The following CCDC150 variants were observed in gnomAD, a reference collection of about 807,000 sequenced individuals.
CCDC150 encodes the protein coiled-coil domain-containing protein 150.
A neutral mutation model predicts 156.5 loss-of-function variants in CCDC150; 151 were observed. The ratio of observed to expected loss-of-function variants is 0.97; its 90% confidence interval spans 0.85 to 1.10. The LOEUF (loss-of-function observed/expected upper bound fraction) is 1.10, where lower values mean the gene tolerates loss of function less well. CCDC150 is among the 50% of genes least tolerant of loss of function. CCDC150 has a pLI of 0.00. For synonymous variants in CCDC150, 452 were observed against 429.4 expected, an observed-to-expected ratio of 1.05 and a Z score of -0.65; for missense variants, 1,312 against 1,268.1, an observed-to-expected ratio of 1.03 and a Z score of -0.53.
chr2:196,701,591 A>G (rs1171422290), intron 15 of CCDC150, among the ~76,000 whole-genome samples: 1 of 152,152 alleles, frequency 6.6e-6, no homozygotes, highest in East Asian at 1.9e-4. Flanking sequence ...TCCCTATGGT[A>G]CCCCAGAGCA....
Position 196,732,600 on chromosome 2 carries a change from C to A in CCDC150, c.*38C>A. On this transcript the variant is annotated 3_prime_UTR_variant, in exon 28 of 28. Coordinates refer to ENST00000389175, the MANE Select transcript of CCDC150 (RefSeq NM_001080539.2). ...GGGAGCTTCTTTATGTGTAGCTACA[C>A]TCCATGATTCCAAGAGCCCAGCAGC... is the stretch of plus-strand genomic sequence containing the variant. 7.4e-7 allele frequency: 1 copy of A among 1,353,162 alleles called. No individual in the cohort carries two copies. Among genetic ancestry groups the A allele is most frequent in the Non-Finnish European group, 1.1e-6 (1 of 943,896 alleles). The allele number at this position is 1,353,162 out of a possible 1,614,324, so 83.8% of individuals were successfully genotyped here.
In CCDC150 at chr2:196,721,523, T is replaced by C. The variant is rs1394581610; in HGVS notation, c.2261T>C (p.Ile754Thr). Reference sequence around the variant, plus strand: ...TGAAAACATGCTTCTCTCTTTCAGATTGAATCTCTACAAAAAGCTCTAGGT... The same window carrying C: ...TGAAAACATGCTTCTCTCTTTCAGACTGAATCTCTACAAAAAGCTCTAGGT... ...LVMEDQHNSE[I>T]ESLQKALGVA... Residue 754 changes from isoleucine to threonine, a missense_variant and splice_region_variant, in exon 21 of 28, where the codon ATT becomes ACT. By Grantham distance (89) the Ile-to-Thr change is moderately conservative. Coordinates refer to ENST00000389175, the MANE Select transcript of CCDC150 (RefSeq NM_001080539.2). The C allele has an allele frequency of 5.6e-6, 9 of 1,596,650 alleles. No homozygotes were observed. The East Asian group carries it at 9.0e-5, about 16-fold the overall frequency.
In CCDC150 at chr2:196,725,182, G is replaced by C. The variant is rs79372995; in HGVS notation, c.2430-791G>C. ...GGAAAATGAAGGTGATTTCATGGCAGGGCAGGCTTCTCCTATCCTTTGAGA... is the reference window on the plus strand; with the variant it reads ...GGAAAATGAAGGTGATTTCATGGCACGGCAGGCTTCTCCTATCCTTTGAGA... On this transcript the variant is annotated intron_variant, in intron 21 of 27. Transcript: ENST00000389175. 6.8e-3 allele frequency among the ~76,000 whole-genome samples: 1,037 copies of C among 152,260 alleles called. 8 individuals carry two copies. The highest frequency in any genetic ancestry group is 0.024 in the African/African-American group (979 of 41,558).
chr2:196,646,586 A>G (rs1692554739), intron 2 of CCDC150, 82 bp downstream of exon 2: 4 of 1,011,452 alleles, frequency 4.0e-6, no homozygotes, highest in South Asian at 2.9e-5. Context: ...GGCAGATGAG[A>G]TGGATATTTG....
At chr2:196,686,929 G>A (rs1695160811) in intron 13 of CCDC150, among the ~76,000 whole-genome samples, 1 of 152,120 alleles carries the variant, frequency 6.6e-6, no homozygotes, top group African/African-American at 2.4e-5. Flanking sequence ...ATGATCACGA[G>A]GACGTGATCT....
rs138482829 is a variant in CCDC150, at chr2:196,660,797, T to G, written c.645+1937T>G. On this transcript the variant is annotated intron_variant, in intron 5 of 27. Coordinates refer to ENST00000389175, the MANE Select transcript of CCDC150 (RefSeq NM_001080539.2). ...GCTGTCTTTCACAGAGAAGGAACTT[T>G]TAATGAAGTCCAATATATCAATTTT... is the stretch of plus-strand genomic sequence containing the variant. Among the ~76,000 whole-genome samples, 186 of 152,372 alleles carry G rather than the reference T, an allele frequency of 1.2e-3. 1 individual carries two copies. Among genetic ancestry groups the G allele is most frequent in the African/African-American group, 4.1e-3 (172 of 41,588 alleles).
At position 196,697,005 on chromosome 2, in the gene CCDC150, A is replaced by G. The variant is rs368922628; in HGVS notation, c.1623+1846A>G. ...ATGCCAAGAGGATCTCTTCTAGTGT[A>G]GGTATCCCACAGTATACTCTGCACA... is the stretch of plus-strand genomic sequence containing the variant. On this transcript the variant is annotated intron_variant, in intron 14 of 27. Transcript: ENST00000389175. 3.3e-5 allele frequency among the ~76,000 whole-genome samples: 5 copies of G among 152,336 alleles called. No individual in the cohort carries two copies. In the South Asian group the frequency reaches 1.0e-3, roughly 32 times the overall value.
intron 1 of CCDC150, among the ~76,000 whole-genome samples, chr2:196,642,251 T>G (rs1348040622): frequency 2.0e-5 from 3 of 152,342 alleles, no homozygotes; most frequent in African/African-American, 7.2e-5. Flanking sequence ...TGCTAGAATG[T>G]CAGCCATTAG....
chr2:196,729,711 C>A, intron 23 of CCDC150, 82 bp from the exon 24 acceptor site: 1 of 940,774 alleles, frequency 1.1e-6, no homozygotes, highest in Non-Finnish European at 1.6e-6. Context: ...ATATTGGATT[C>A]TTTCTGTCAT....
chr2:196,650,651 C>G (rs1692824368), intron 2 of CCDC150, among the ~76,000 whole-genome samples: 1 of 152,208 alleles, frequency 6.6e-6, no homozygotes, highest in South Asian at 2.1e-4. Flanking sequence ...CTCGGCCTCC[C>G]AAAGTGCTGG....
intron 13 of CCDC150, among the ~76,000 whole-genome samples, chr2:196,682,315 A>G (rs1022696972): frequency 3.3e-5 from 5 of 152,060 alleles, no homozygotes; most frequent in African/African-American, 1.2e-4. Flanking sequence ...GCATTGATCT[A>G]TATGTCTGTC....
At chr2:196,650,198 G>A (rs932850898) in intron 2 of CCDC150, among the ~76,000 whole-genome samples, 1 of 152,162 alleles carries the variant, frequency 6.6e-6, no homozygotes, top group Non-Finnish European at 1.5e-5. Context: ...TTTTTATTAT[G>A]AAACATTGTT....
chr2:196,713,372 A>G, intron 17 of CCDC150: 2 of 1,477,444 alleles, frequency 1.4e-6, no homozygotes, highest in South Asian at 1.4e-5. Context: ...TCTAAGAAAA[A>G]GGAAATCCCC....
intron 15 of CCDC150, among the ~76,000 whole-genome samples, chr2:196,710,441 A>AC (rs894222834): frequency 8.6e-5 from 13 of 151,668 alleles, no homozygotes; most frequent in African/African-American, 2.9e-4. Flanking sequence ...AAATCCCCTG[A>AC]CCCCCCTTGC....
chr2:196,707,132 G>A (rs755674413), intron 15 of CCDC150, among the ~76,000 whole-genome samples: 2 of 152,210 alleles, frequency 1.3e-5, no homozygotes, highest in African/African-American at 2.4e-5. Context: ...CTGTGAATCC[G>A]TCTGGTCCTG....
At chr2:196,696,780 G>A (rs997770406) in intron 14 of CCDC150, among the ~76,000 whole-genome samples, 1 of 152,154 alleles carries the variant, frequency 6.6e-6, no homozygotes, top group Non-Finnish European at 1.5e-5. Flanking sequence ...TTCAATGCTG[G>A]CAGTGTATTT....
At chr2:196,660,416 G>A (rs572811257) in intron 5 of CCDC150, among the ~76,000 whole-genome samples, 5 of 152,152 alleles carry the variant, frequency 3.3e-5, no homozygotes, top group Admixed American at 6.5e-5. Context: ...TGACTGTATC[G>A]TTTGCATGCC....
At chr2:196,677,026 C>T in intron 12 of CCDC150, 4 of 675,332 alleles carry the variant, frequency 5.9e-6, no homozygotes, top group Non-Finnish European at 1.1e-5. Flanking sequence ...AGGAGTGGGA[C>T]AGCGAAGGTT....
In CCDC150 at chr2:196,656,698, A is replaced by G. The variant is rs1394957443; in HGVS notation, c.242A>G (p.Gln81Arg). 1.9e-6 allele frequency: 3 copies of G among 1,613,778 alleles called. No individual in the cohort carries two copies. Among genetic ancestry groups the G allele is most frequent in the South Asian group, 2.2e-5 (2 of 91,048 alleles). Residue 81 changes from glutamine to arginine, a missense_variant, in exon 3 of 28, where the codon CAA (glutamine) becomes CGA (arginine). Physicochemically the swap from Gln to Arg is conservative, Grantham distance 43. Coordinates refer to ENST00000389175, the MANE Select transcript of CCDC150 (RefSeq NM_001080539.2). ...LDSQKVISPI[Q>R]NEAICAGKTD... ...AGCCAGAAAGTCATTAGTCCTATCC[A>G]AAATGAAGCAATTTGTGCAGGAAAA...
Sources: allele counts gnomAD v4.1 joint callset (sites outside exome capture counted in the v4.1 genomes callset), GRCh38; gene constraint gnomAD v4.1.1; transcripts MANE v1.5; gene names NCBI Gene and HGNC (gene_info 2026-07-23, HGNC 2026-07-21).